Variants in SLC39A10 observed in about 807,000 individuals in gnomAD.
The protein encoded by SLC39A10 is zinc transporter ZIP10.
Under a neutral mutation model 65.1 loss-of-function variants are expected in SLC39A10, and 13 were observed. The ratio of observed to expected loss-of-function variants is 0.20; its 90% confidence interval spans 0.13 to 0.32. The LOEUF (loss-of-function observed/expected upper bound fraction) is 0.32, where lower values mean the gene tolerates loss of function less well. Ranked by LOEUF, SLC39A10 falls within the 10% of genes least tolerant of loss-of-function variation. The pLI is 1.00. For missense variants in SLC39A10, 831 were observed against 1,018.4 expected (o/e 0.82, Z 2.50); for synonymous variants, 321 against 342.2 (o/e 0.94, Z 0.68).
intron 2 of SLC39A10, among the ~76,000 whole-genome samples, chr2:195,616,912 T>G (rs1372080286): frequency 1.3e-5 from 2 of 152,204 alleles, no homozygotes; most frequent in African/African-American, 4.8e-5. Context: ...CCGGAAAATC[T>G]TTTGTTAAAG....
chr2:195,623,057 G>A (rs1348872704), intron 2 of SLC39A10, among the ~76,000 whole-genome samples: 2 of 150,878 alleles, frequency 1.3e-5, no homozygotes, highest in South Asian at 2.1e-4. Flanking sequence ...ACAATAGCTA[G>A]AGATGCCACA....
chr2:195,677,447 T>C (rs1376354410), intron 1 of SLC39A10, among the ~76,000 whole-genome samples: 1 of 152,214 alleles, frequency 6.6e-6, no homozygotes, highest in East Asian at 1.9e-4. Context: ...GGTGGGAAGA[T>C]CTCTTGTGCC....
chr2:195,671,030 T>A (rs1689836548), intron 1 of SLC39A10, among the ~76,000 whole-genome samples: 1 of 152,232 alleles, frequency 6.6e-6, no homozygotes, highest in Middle Eastern at 3.4e-3. Context: ...AGCACCCAGG[T>A]AAGGAAATAG....
At chr2:195,663,497 ATG>A (rs1014885111) in intron 1 of SLC39A10, among the ~76,000 whole-genome samples, 1 of 152,226 alleles carries the variant, frequency 6.6e-6, no homozygotes, top group African/African-American at 2.4e-5. Flanking sequence ...CAGTAAAACA[ATG>A]TAAGAAAACG....
At chr2:195,700,937 T>G (rs535219935) in intron 3 of SLC39A10, among the ~76,000 whole-genome samples, 2 of 152,228 alleles carry the variant, frequency 1.3e-5, no homozygotes, top group South Asian at 4.2e-4. Context: ...TCTTAGATGG[T>G]TATATTCATG....
At chr2:195,719,451 G>T (rs554109717) in intron 8 of SLC39A10, among the ~76,000 whole-genome samples, 4 of 152,186 alleles carry the variant, frequency 2.6e-5, no homozygotes, top group Admixed American at 1.3e-4. Flanking sequence ...CAGAGATAGT[G>T]CATTGAACAT....
chr2:195,679,926 T>C, intron 1 of SLC39A10, 106 bp from the exon 2 acceptor site: 5 of 835,280 alleles, frequency 6.0e-6, no homozygotes, highest in Non-Finnish European at 7.0e-6. Flanking sequence ...ATGAAGGAAA[T>C]GGAGTAAAAC....
intron 2 of SLC39A10, among the ~76,000 whole-genome samples, chr2:195,614,771 TAGTC>T (rs10604007): frequency 0.42 from 63,427 of 151,592 alleles, 13,816 homozygotes; most frequent in Non-Finnish European, 0.5. Context: ...ATGAAAAAAA[TAGTC>T]AGGCATGGTG....
chr2:195,647,244 T>C (rs1688940999), intron 2 of SLC39A10, among the ~76,000 whole-genome samples: 1 of 152,136 alleles, frequency 6.6e-6, no homozygotes, highest in Non-Finnish European at 1.5e-5. Flanking sequence ...CATTATTCTG[T>C]CTACCACCCT....
intron 1 of SLC39A10, among the ~76,000 whole-genome samples, chr2:195,675,942 A>G (rs1275489842): frequency 6.6e-6 from 1 of 151,996 alleles, no homozygotes; most frequent in African/African-American, 2.4e-5. Flanking sequence ...ATTGTGAGAT[A>G]CTAATTTTTG....
chr2:195,692,452 C>G (rs1690781481), intron 3 of SLC39A10, among the ~76,000 whole-genome samples: 1 of 152,146 alleles, frequency 6.6e-6, no homozygotes, highest in Non-Finnish European at 1.5e-5. Flanking sequence ...GTCAATTTCA[C>G]AGTATCGATT....
At chr2:195,646,749 G>A (rs1047200193) in intron 2 of SLC39A10, among the ~76,000 whole-genome samples, 1 of 152,100 alleles carries the variant, frequency 6.6e-6, no homozygotes, top group Non-Finnish European at 1.5e-5. Context: ...CCTCCTATCA[G>A]ATAAGCAGCA....
intron 3 of SLC39A10, among the ~76,000 whole-genome samples, chr2:195,700,239 G>A (rs1691125659): frequency 6.6e-6 from 1 of 152,114 alleles, no homozygotes; most frequent in African/African-American, 2.4e-5. Context: ...GATAAGGAAG[G>A]ACTTCTGTTA....
intron 2 of SLC39A10, among the ~76,000 whole-genome samples, chr2:195,649,341 C>G (rs1017427652): frequency 2.0e-5 from 3 of 152,180 alleles, no homozygotes; most frequent in African/African-American, 4.8e-5. Context: ...CTTGCCTTCC[C>G]TAATATTTAG....
intron 2 of SLC39A10, among the ~76,000 whole-genome samples, chr2:195,643,833 A>C (rs1406080382): frequency 6.6e-6 from 1 of 152,234 alleles, no homozygotes; most frequent in Admixed American, 6.5e-5. Context: ...TCAGAACTTC[A>C]TTGTTACAGT....
chr2:195,659,539 A>G (rs2105726617), intron 1 of SLC39A10, among the ~76,000 whole-genome samples: 1 of 152,242 alleles, frequency 6.6e-6, no homozygotes, highest in Admixed American at 6.5e-5. Context: ...AGAGAAATTT[A>G]CCTTGTTAAT....
At chr2:195,684,002 T>G in intron 3 of SLC39A10, 96 bp downstream of exon 3, 2 of 873,684 alleles carry the variant, frequency 2.3e-6, no homozygotes, top group South Asian at 3.6e-5. Context: ...ATTATTGACT[T>G]TCTTTTGTTG....
chr2:195,696,158 G>A (rs185515457), intron 3 of SLC39A10, among the ~76,000 whole-genome samples: 13 of 152,020 alleles, frequency 8.6e-5, no homozygotes, highest in East Asian at 7.7e-4. Context: ...TTTTTATGCC[G>A]TTACTGAACT....
chr2:195,714,122 G>A (rs1691701691), intron 6 of SLC39A10, among the ~76,000 whole-genome samples: 1 of 151,956 alleles, frequency 6.6e-6, no homozygotes, highest in African/African-American at 2.4e-5. Context: ...TAGTAGGGAC[G>A]GGGTTTCACC....
Sources: gnomAD v4.1 joint callset for allele counts (sites outside exome capture counted in the v4.1 genomes callset) on GRCh38, gnomAD v4.1.1 for gene constraint, MANE v1.5 for transcripts, NCBI Gene and HGNC (gene_info 2026-07-23, HGNC 2026-07-21) for gene names.